The following LRP1B variants were observed in gnomAD, a reference collection of about 807,000 sequenced individuals.
LRP1B encodes the protein LDL receptor related protein 1B.
LRP1B carries 217 observed loss-of-function variants against 556.6 expected under a neutral mutation model. The ratio of observed to expected loss-of-function variants is 0.39; its 90% confidence interval spans 0.35 to 0.44. The LOEUF (loss-of-function observed/expected upper bound fraction) is 0.44. LRP1B is among the 20% of genes least tolerant of loss of function. LRP1B has a pLI of 1.00. For synonymous variants in LRP1B, 2,047 were observed against 1,865.8 expected (o/e 1.10, Z -2.50); for missense variants, 5,053 against 5,620.8 (o/e 0.90, Z 3.23).
intron 12 of LRP1B, among the ~76,000 whole-genome samples, chr2:141,017,404 T>A (rs1697932650): frequency 8.2e-6 from 1 of 122,210 alleles, no homozygotes; most frequent in Non-Finnish European, 1.8e-5. Flanking sequence ...CTCCTTTTGA[T>A]CATGGCAACA....
In LRP1B at chr2:141,314,466, A is replaced by G. The variant is rs114673863; in HGVS notation, c.344-59825T>C. On this transcript the variant is annotated intron_variant, in intron 3 of 90. Coordinates refer to ENST00000389484, the MANE Select transcript of LRP1B (RefSeq NM_018557.3). ...AAATTGAAGATTTGGTTTTTCTTAT[A>G]AAGCAACTAAACTGAGATTAAACGG... Among the ~76,000 whole-genome samples, 884 of 152,212 alleles carry G rather than the reference A, an allele frequency of 5.8e-3. 9 individuals are homozygous for G. The highest frequency in any genetic ancestry group is 0.019 in the African/African-American group (805 of 41,522).
Position 140,907,993 on chromosome 2 carries a change from A to G in LRP1B, c.3404T>C (p.Leu1135Ser), listed in dbSNP as rs768775912. 3.7e-6 allele frequency: 6 copies of G among 1,613,582 alleles called. No individual in the cohort carries two copies. In the Admixed American group the frequency reaches 1.0e-4, roughly 27 times the overall value. ...ACAAGGATGCTTGGGTGGTCCACAC[A>G]AGAAACTGTCACAGTCATCTTCATC... ...QSDEDDCDSF[L>S]CGPPKHPCAN... Residue 1135 changes from leucine (L) to serine (S), a missense_variant, in exon 22 of 91, where the codon TTG (leucine) becomes TCG (serine). Physicochemically the swap from Leu to Ser is moderately radical, Grantham distance 145 (BLOSUM62 -2). This residue lies in a region of LRP1B where 3,619 missense variants were observed against 3,931.9 expected (regional missense o/e 0.92). Transcript: ENST00000389484.
chr2:140,592,918 T>A (rs1047896097), intron 43 of LRP1B, among the ~76,000 whole-genome samples: 53 of 141,496 alleles, frequency 3.7e-4, no homozygotes, highest in African/African-American at 1.4e-3. Context: ...CCAGCCTGGA[T>A]GACAAAGTGA....
chr2:140,940,177 G>A (rs910819025), intron 20 of LRP1B, among the ~76,000 whole-genome samples: 21 of 151,958 alleles, frequency 1.4e-4, no homozygotes, highest in Admixed American at 7.2e-4. Flanking sequence ...GAGCCACCAC[G>A]CCCAGCCTAT....
At chr2:140,763,169 CT>C (rs1192175348) in intron 35 of LRP1B, among the ~76,000 whole-genome samples, 5 of 152,012 alleles carry the variant, frequency 3.3e-5, no homozygotes, top group Non-Finnish European at 7.4e-5. Context: ...ACACTGTGAT[CT>C]GCTCAAACAT....
At chr2:140,394,285 G>A (rs895607892) in intron 66 of LRP1B, among the ~76,000 whole-genome samples, 2 of 152,078 alleles carry the variant, frequency 1.3e-5, no homozygotes, top group African/African-American at 4.8e-5. Flanking sequence ...CCACAAGGGA[G>A]GACGGCCTGA....
Position 142,115,649 on chromosome 2 carries a change from ATATTATATGTAAT to A in LRP1B, c.82+14986_82+14998del, listed in dbSNP as rs1199686113. Among the ~76,000 whole-genome samples the A allele has an allele frequency of 2.7e-4, 4 of 14,896 alleles. 2 individuals are homozygous for A. The highest frequency in any genetic ancestry group is 7.1e-4 in the African/African-American group (4 of 5,596). 9.8% of individuals were successfully genotyped at this position (14,896 alleles called of 152,430 possible). ...TATATATATTATATATGTAATATAT[ATATTATATGTAAT>A]ATATATATGTAATATATATATAATA... On this transcript the variant is annotated intron_variant, in intron 1 of 90. Coordinates refer to ENST00000389484, the MANE Select transcript of LRP1B (RefSeq NM_018557.3).
At chr2:140,903,251 T>C (rs2105224059) in intron 22 of LRP1B, 86 bp from the exon 23 acceptor site, 1 of 1,461,300 alleles carries the variant, frequency 6.8e-7, no homozygotes, top group South Asian at 1.3e-5. Flanking sequence ...TCTCTAAGCC[T>C]ACAATTAGCC....
In LRP1B at chr2:140,627,089, A is replaced by G. The variant is rs145430261; in HGVS notation, c.6800-25450T>C. Among the ~76,000 whole-genome samples the G allele has an allele frequency of 2.6e-5, 4 of 152,344 alleles. No individual in the cohort carries two copies. The East Asian group carries it at 5.8e-4, about 22-fold the overall frequency. On this transcript the variant is annotated intron_variant, in intron 41 of 90. Coordinates refer to ENST00000389484, the MANE Select transcript of LRP1B (RefSeq NM_018557.3). ...CTAGCTGCCTTTTTGGACCAGAAGT[A>G]CTTTAATAATAGAACTTAAAATGGA...
chr2:140,783,835 AC>A (rs1331049371), intron 32 of LRP1B, among the ~76,000 whole-genome samples: 8 of 152,166 alleles, frequency 5.3e-5, no homozygotes. Flanking sequence ...CAAAAGGATT[AC>A]CCCCCAGGAC....
intron 25 of LRP1B, among the ~76,000 whole-genome samples, chr2:140,872,369 T>TG (rs1693165776): frequency 6.9e-6 from 1 of 144,488 alleles, no homozygotes; most frequent in African/African-American, 2.6e-5. Context: ...GATTTTTTTT[T>TG]TTTTTTTTTT....
intron 43 of LRP1B, among the ~76,000 whole-genome samples, chr2:140,558,309 A>C (rs1680807289): frequency 6.6e-6 from 1 of 152,158 alleles, no homozygotes; most frequent in South Asian, 2.1e-4. Context: ...TACAGAAAGG[A>C]TCATAGCAGC....
chr2:142,061,528 CAG>C (rs1335614064), intron 1 of LRP1B, among the ~76,000 whole-genome samples: 1 of 151,892 alleles, frequency 6.6e-6, no homozygotes, highest in Non-Finnish European at 1.5e-5. Context: ...GTGCAGCAAA[CAG>C]GGCAAAGAAC....
chr2:140,320,870 CCATCTCTA>C (rs1173434088), intron 82 of LRP1B, among the ~76,000 whole-genome samples: 1 of 151,390 alleles, frequency 6.6e-6, no homozygotes, highest in African/African-American at 2.4e-5. Flanking sequence ...TGGCAATATC[CCATCTCTA>C]CTAAAAATAC....
chr2:140,397,087 C>T (rs1287376519), intron 66 of LRP1B, among the ~76,000 whole-genome samples: 1 of 152,094 alleles, frequency 6.6e-6, no homozygotes, highest in East Asian at 1.9e-4. Context: ...GATTAGAAGA[C>T]CTCTAGAGTG....
At chr2:142,102,978 T>G (rs1706620400) in intron 1 of LRP1B, among the ~76,000 whole-genome samples, 1 of 151,912 alleles carries the variant, frequency 6.6e-6, no homozygotes, top group South Asian at 2.1e-4. Context: ...AATATAATTT[T>G]TCTTTCTTAA....
At position 140,456,570 on chromosome 2, in the gene LRP1B, C is replaced by T. The variant is rs1160873562; in HGVS notation, c.9848G>A (p.Gly3283Asp). The change falls in exon 62 of 91, where the codon GGT (glycine) becomes GAT (aspartate). Residue 3283 changes from glycine (G) to aspartate (D), a missense_variant. Physicochemically the swap from Gly to Asp is moderately conservative, Grantham distance 94. This residue lies in a region of LRP1B where 262 missense variants were observed against 395.1 expected (regional missense o/e 0.66). Coordinates refer to ENST00000389484, the MANE Select transcript of LRP1B (RefSeq NM_018557.3). ...SKHLCMINNG[G>D]CSHLCLLAPG... ...GGCTAAAAGGCACAAATGACTGCAA[C>T]CACCATTATTTATCATGCAGAGATG... is the stretch of plus-strand genomic sequence containing the variant. 1 of 1,611,932 alleles carries T rather than the reference C, an allele frequency of 6.2e-7. No individual in the cohort carries two copies.
At chr2:140,527,213 G>C (rs958487074) in intron 47 of LRP1B, among the ~76,000 whole-genome samples, 1 of 151,698 alleles carries the variant, frequency 6.6e-6, no homozygotes, top group African/African-American at 2.4e-5. Context: ...TCATATAGTG[G>C]TTTCCAGTAA....
At chr2:140,386,217 C>T (rs753451990) in intron 66 of LRP1B, among the ~76,000 whole-genome samples, 6 of 152,070 alleles carry the variant, frequency 3.9e-5, no homozygotes, top group African/African-American at 1.4e-4. Context: ...GCTTTCACCG[C>T]GAGCTAATCA....
Sources: allele counts gnomAD v4.1 joint callset (sites outside exome capture counted in the v4.1 genomes callset), GRCh38; gene constraint gnomAD v4.1.1; regional missense constraint gnomAD v4.1.1; transcripts MANE v1.5; gene names NCBI Gene and HGNC (gene_info 2026-07-23, HGNC 2026-07-21).